The following INPP4B variants were observed in gnomAD, a reference collection of about 807,000 sequenced individuals.
INPP4B encodes inositol polyphosphate-4-phosphatase type II B.
INPP4B carries 55 observed loss-of-function variants against 122.5 expected under a neutral mutation model. The observed-to-expected ratio is 0.45, with a 90% CI of 0.36 to 0.56. The LOEUF (loss-of-function observed/expected upper bound fraction) is 0.56. INPP4B is among the 20% of genes least tolerant of loss of function. The probability of loss-of-function intolerance (pLI) is 0.00; values close to 1 mark genes in which losing one functional copy is unlikely to be tolerated. For synonymous variants in INPP4B, 403 were observed against 388.7 expected (o/e 1.04, Z -0.43); for missense variants, 1,000 against 1,097.7 (o/e 0.91, Z 1.26).
chr4:142,110,089 G>A (rs1184767851), intron 22 of INPP4B, among the ~76,000 whole-genome samples: 1 of 152,126 alleles, frequency 6.6e-6, no homozygotes, highest in Non-Finnish European at 1.5e-5. Flanking sequence ...AAATGTTTGT[G>A]TTGTCCTAAA....
At chr4:142,556,777 A>C (rs1166953441) in intron 2 of INPP4B, among the ~76,000 whole-genome samples, 1 of 152,216 alleles carries the variant, frequency 6.6e-6, no homozygotes, top group Non-Finnish European at 1.5e-5. Flanking sequence ...CAAGGTTAGC[A>C]GTTGCAGTAG....
chr4:142,576,592 A>T (rs972154551), intron 2 of INPP4B, among the ~76,000 whole-genome samples: 1 of 152,018 alleles, frequency 6.6e-6, no homozygotes, highest in African/African-American at 2.4e-5. Context: ...AAAGAAATTC[A>T]TATAATCATA....
chr4:142,237,546 G>A (rs1478612688), intron 12 of INPP4B, among the ~76,000 whole-genome samples: 1 of 151,956 alleles, frequency 6.6e-6, no homozygotes, highest in Non-Finnish European at 1.5e-5. Flanking sequence ...ATCTTACACT[G>A]ATAGAACATT....
intron 2 of INPP4B, among the ~76,000 whole-genome samples, chr4:142,674,268 T>C (rs961780667): frequency 1.3e-5 from 2 of 152,114 alleles, no homozygotes; most frequent in Non-Finnish European, 2.9e-5. Context: ...TGAATGTAAA[T>C]CTGCTCAGAA....
At chr4:142,330,319 A>G (rs890372606) in intron 7 of INPP4B, among the ~76,000 whole-genome samples, 1 of 152,190 alleles carries the variant, frequency 6.6e-6, no homozygotes, top group Admixed American at 6.5e-5. Flanking sequence ...CTATCTGGGT[A>G]TAATTTTGGA....
chr4:142,523,786 T>A (rs1401889052), intron 2 of INPP4B, among the ~76,000 whole-genome samples: 441 of 145,556 alleles, frequency 3.0e-3, no homozygotes, highest in African/African-American at 0.011. Flanking sequence ...TAGGTATATC[T>A]CCCAATGCTA....
chr4:142,347,769 A>G (rs1450884773), intron 7 of INPP4B, among the ~76,000 whole-genome samples: 2 of 151,916 alleles, frequency 1.3e-5, no homozygotes, highest in Non-Finnish European at 2.9e-5. Context: ...CTAGGTAAAT[A>G]TTTTTTTCTG....
chr4:142,226,238 A>G (rs565024710), intron 12 of INPP4B, among the ~76,000 whole-genome samples: 7 of 152,296 alleles, frequency 4.6e-5, no homozygotes, highest in Non-Finnish European at 8.8e-5. Context: ...ACACTCACAT[A>G]TAAGTACACA....
At chr4:142,658,745 A>G (rs190281255) in intron 2 of INPP4B, among the ~76,000 whole-genome samples, 1 of 152,254 alleles carries the variant, frequency 6.6e-6, no homozygotes, top group Non-Finnish European at 1.5e-5. Flanking sequence ...TGCAGAGCCA[A>G]TAAAAGCCCA....
chr4:142,656,418 C>A (rs781744361), intron 2 of INPP4B, among the ~76,000 whole-genome samples: 3 of 152,178 alleles, frequency 2.0e-5, no homozygotes, highest in African/African-American at 4.8e-5. Flanking sequence ...TGCTTCTAAG[C>A]CTTTTCATCC....
intron 25 of INPP4B, among the ~76,000 whole-genome samples, chr4:142,050,964 G>A (rs912778165): frequency 1.1e-4 from 17 of 152,070 alleles, no homozygotes; most frequent in African/African-American, 4.1e-4. Flanking sequence ...ATTATCTGCA[G>A]AATAAATTAT....
intron 2 of INPP4B, among the ~76,000 whole-genome samples, chr4:142,475,061 A>G (rs1819579965): frequency 6.6e-6 from 1 of 152,206 alleles, no homozygotes; most frequent in Non-Finnish European, 1.5e-5. Flanking sequence ...ACTACAGCAG[A>G]TTAGAACTGA....
intron 9 of INPP4B, among the ~76,000 whole-genome samples, chr4:142,283,221 A>G (rs1339784411): frequency 6.6e-6 from 1 of 152,094 alleles, no homozygotes; most frequent in Non-Finnish European, 1.5e-5. Context: ...CCTCAACAAT[A>G]GGAAGGGTAG....
chr4:142,485,923 A>G (rs1821141366), intron 2 of INPP4B, among the ~76,000 whole-genome samples: 1 of 152,100 alleles, frequency 6.6e-6, no homozygotes, highest in Non-Finnish European at 1.5e-5. Context: ...AATGCTTCCC[A>G]GCCTTCTGTG....
chr4:142,048,633 G>A (rs530322419), intron 25 of INPP4B, among the ~76,000 whole-genome samples: 1 of 152,154 alleles, frequency 6.6e-6, no homozygotes, highest in Non-Finnish European at 1.5e-5. Context: ...AACGATAAGT[G>A]GGGGAGAGCA....
rs1745320877 is a variant in INPP4B at position 142,270,656 on chromosome 4, A to T, written c.615+7T>A. ...TAATTTGTACAATGAGCAGACTGAG[A>T]TCCTACCTTTTGTCCCTGTACATCT... On this transcript the variant is annotated splice_region_variant and intron_variant, in intron 10 of 25. Coordinates refer to ENST00000262992, the MANE Select transcript of INPP4B (RefSeq NM_001101669.3). The T allele has an allele frequency of 1.3e-6, 2 of 1,543,838 alleles. No homozygotes were observed. The highest frequency in any genetic ancestry group is 1.7e-5 in the Admixed American group (1 of 59,918).
intron 21 of INPP4B, among the ~76,000 whole-genome samples, chr4:142,115,881 G>T (rs909255347): frequency 6.6e-6 from 1 of 152,088 alleles, no homozygotes; most frequent in African/African-American, 2.4e-5. Flanking sequence ...TGGATAAAAA[G>T]TCAAGACCCA....
chr4:142,727,533 A>G (rs1765491759), intron 1 of INPP4B, among the ~76,000 whole-genome samples: 1 of 152,228 alleles, frequency 6.6e-6, no homozygotes, highest in African/African-American at 2.4e-5. Context: ...GAAGGAGCAG[A>G]AAGTATTAAA....
At chr4:142,300,630 A>G (rs1760998650) in intron 9 of INPP4B, among the ~76,000 whole-genome samples, 1 of 152,192 alleles carries the variant, frequency 6.6e-6, no homozygotes, top group African/African-American at 2.4e-5. Context: ...CACATAATCT[A>G]TAATACATGT....
Sources: allele counts gnomAD v4.1 joint callset (sites outside exome capture counted in the v4.1 genomes callset), GRCh38; gene constraint gnomAD v4.1.1; transcripts MANE v1.5; gene names NCBI Gene and HGNC (gene_info 2026-07-23, HGNC 2026-07-21).